DMBT1: variants seen among roughly 807,000 people sequenced by gnomAD.
The protein encoded by DMBT1 is scavenger receptor cysteine-rich domain-containing protein DMBT1.
In DMBT1, 198 loss-of-function variants were observed where a neutral mutation model predicts 252.9. The observed-to-expected ratio is 0.78, with a 90% CI of 0.70 to 0.88. The LOEUF (loss-of-function observed/expected upper bound fraction) is 0.88, where lower values mean the gene tolerates loss of function less well. Ranked by LOEUF, DMBT1 falls within the 40% of genes least tolerant of loss-of-function variation. DMBT1 has a pLI of 0.00. For missense variants in DMBT1, 2,432 were observed against 2,404.7 expected (o/e 1.01, Z -0.24); for synonymous variants, 990 against 942.7 (o/e 1.05, Z -0.92).
At chr10:122,592,640 G>A (rs773218843) in intron 20 of DMBT1, 45 bp downstream of exon 20, 2 of 1,585,352 alleles carry the variant, frequency 1.3e-6, no homozygotes, top group Non-Finnish European at 1.7e-6. Flanking sequence ...ACTGGAGTTT[G>A]CTCAGGAAGA....
Position 122,637,227 on chromosome 10 carries a change from A to T in DMBT1, c.6857A>T (p.Asn2286Ile), listed in dbSNP as rs771403045. 2.5e-6 allele frequency: 4 copies of T among 1,613,982 alleles called. No individual in the cohort carries two copies. The highest frequency in any genetic ancestry group is 3.4e-6 in the Non-Finnish European group (4 of 1,179,886). The change falls in exon 54 of 56, where the codon AAT becomes ATT. Residue 2286 changes from asparagine to isoleucine, a missense_variant. Transcript: ENST00000338354. ...SASDLVISTW[N>I]GYYECRPQIT... is the part of the protein sequence containing the mutation. ...AGTGACCTTGTCATTTCCACCTGGAATGGATACTACGAGTGTCGGCCCCAG... is the reference window on the plus strand; with the variant it reads ...AGTGACCTTGTCATTTCCACCTGGATTGGATACTACGAGTGTCGGCCCCAG...
Position 122,640,049 on chromosome 10 carries a change from G to A in DMBT1, c.6952G>A (p.Asp2318Asn), listed in dbSNP as rs752474526. Reference sequence around the variant, plus strand: ...TGCCTGCCTCTCCTAGGCAGACAATGACACCATCGACTATTCCAACTTCCT... The same window carrying A: ...TGCCTGCCTCTCCTAGGCAGACAATAACACCATCGACTATTCCAACTTCCT... Reference protein sequence around the residue: ...GCGTFKQADNDTIDYSNFLTA... With the variant: ...GCGTFKQADNNTIDYSNFLTA... Residue 2318 changes from aspartate (D) to asparagine (N), a missense_variant, in exon 55 of 56, where the codon GAC becomes AAC. Coordinates refer to ENST00000338354, the MANE Select transcript of DMBT1 (RefSeq NM_001377530.1). The A allele has an allele frequency of 6.8e-6, 11 of 1,613,494 alleles. No individual in the cohort carries two copies. The highest frequency in any genetic ancestry group is 1.7e-5 in the Admixed American group (1 of 60,002).
chr10:122,633,002 T>C (rs1365320660), intron 51 of DMBT1, 112 bp downstream of exon 51: 2 of 1,553,334 alleles, frequency 1.3e-6, no homozygotes, highest in African/African-American at 2.7e-5. Context: ...CAAAGTGGTC[T>C]CCCTGCAAGA....
Position 122,631,838 on chromosome 10 carries a change from T to C in DMBT1, c.6347-17T>C, listed in dbSNP as rs1219253386. 6.2e-7 allele frequency: 1 copy of C among 1,613,732 alleles called. No individual in the cohort carries two copies. Among genetic ancestry groups the C allele is most frequent in the Non-Finnish European group, 8.5e-7 (1 of 1,179,822 alleles). On this transcript the variant is annotated splice_polypyrimidine_tract_variant and intron_variant, in intron 49 of 55. Coordinates refer to ENST00000338354, the MANE Select transcript of DMBT1 (RefSeq NM_001377530.1). ...CACATGTCTGTGACCTATGCTTTTT[T>C]TCTATTCCTTTTTCAGGAAACCATC...
intron 21 of DMBT1, 66 bp downstream of exon 21, chr10:122,593,664 C>G (rs1246622678): frequency 7.5e-6 from 11 of 1,458,598 alleles, no homozygotes; most frequent in Non-Finnish European, 1.0e-5. Context: ...CTTCCACACT[C>G]CACAGAGCTC....
intron 52 of DMBT1, among the ~76,000 whole-genome samples, chr10:122,634,324 A>G (rs1194636591): frequency 6.7e-6 from 1 of 148,322 alleles, no homozygotes; most frequent in Non-Finnish European, 1.5e-5. Context: ...AGCAGAGAGG[A>G]CATTACTAAA....
intron 4 of DMBT1, 137 bp downstream of exon 4, chr10:122,571,074 CT>C (rs2097658754): frequency 9.2e-7 from 1 of 1,091,068 alleles, no homozygotes; most frequent in Non-Finnish European, 1.4e-6. Flanking sequence ...TGGATATCAC[CT>C]TGCTCTGTGT....
rs1005117438 is a variant in DMBT1, at chr10:122,577,793, G to C, written c.608-18G>C. On this transcript the variant is annotated intron_variant, in intron 7 of 55. Transcript: ENST00000338354. ...CACTGAGTGTTTGGTGTCTAATGTTGCTATTTTTTTCTCACAGCTGCCCAG... is the reference window on the plus strand; with the variant it reads ...CACTGAGTGTTTGGTGTCTAATGTTCCTATTTTTTTCTCACAGCTGCCCAG... The C allele has an allele frequency of 6.2e-7, 1 of 1,613,426 alleles. No individual in the cohort carries two copies. Among genetic ancestry groups the C allele is most frequent in the African/African-American group, 1.3e-5 (1 of 74,906 alleles).
At chr10:122,579,144 C>A (rs2097741417) in intron 9 of DMBT1, among the ~76,000 whole-genome samples, 1 of 151,986 alleles carries the variant, frequency 6.6e-6, no homozygotes, top group Admixed American at 6.6e-5. Flanking sequence ...CAGAAAAGAT[C>A]CTTATCTATG....
At chr10:122,598,540 T>C (rs527848432) in intron 25 of DMBT1, among the ~76,000 whole-genome samples, 11 of 152,252 alleles carry the variant, frequency 7.2e-5, no homozygotes, top group Admixed American at 2.0e-4. Context: ...CCTGTTAACT[T>C]CAGTAGGGTC....
chr10:122,565,833 G>A, intron 1 of DMBT1, 134 bp from the exon 2 acceptor site: 1 of 785,096 alleles, frequency 1.3e-6, no homozygotes, highest in Non-Finnish European at 2.2e-6. Flanking sequence ...CAAGAACGTC[G>A]GGGACACACA....
At chr10:122,636,227 TG>T in intron 53 of DMBT1, 28 bp downstream of exon 53, 4 of 1,583,032 alleles carry the variant, frequency 2.5e-6, no homozygotes. Context: ...AATGCTCTGT[TG>T]GGACTGGGGA....
intron 24 of DMBT1, among the ~76,000 whole-genome samples, 173 bp downstream of exon 24, chr10:122,597,227 C>G (rs2097890497): frequency 6.6e-6 from 1 of 151,614 alleles, no homozygotes; most frequent in African/African-American, 2.4e-5. Flanking sequence ...ACATAGGGTT[C>G]AAGAGGCTTC....
At chr10:122,579,976 A>T in intron 10 of DMBT1, 75 bp downstream of exon 10, 2 of 1,605,322 alleles carry the variant, frequency 1.2e-6, no homozygotes, top group Non-Finnish European at 1.7e-6. Flanking sequence ...TTACATTCTG[A>T]TCTCCTCACT....
chr10:122,589,206 C>A lies in DMBT1; in HGVS notation c.2046C>A (p.Pro682=), dbSNP rs770018066. Residue 682 remains proline (P), a synonymous_variant, in exon 17 of 56, where the codon CCC becomes CCA. Coordinates refer to ENST00000338354, the MANE Select transcript of DMBT1 (RefSeq NM_001377530.1). Reference sequence around the variant, plus strand: ...ATGAGTCCTACCTGTGGAGCTGCCCCAACAATGGCTGGCTCTCCCACAACT... The same window carrying A: ...ATGAGTCCTACCTGTGGAGCTGCCCAAACAATGGCTGGCTCTCCCACAACT... ...SGHESYLWSC[P]NNGWLSHNCG... 14 of 1,588,300 alleles carry A rather than the reference C, an allele frequency of 8.8e-6. No homozygotes were observed. In the African/African-American group the frequency reaches 1.9e-4, roughly 21 times the overall value.
At position 122,576,375 on chromosome 10, in the gene DMBT1, G is replaced by A. The variant is rs761560560; in HGVS notation, c.284-24G>A. On this transcript the variant is annotated intron_variant, in intron 6 of 55. Coordinates refer to ENST00000338354, the MANE Select transcript of DMBT1 (RefSeq NM_001377530.1). The stretch of plus-strand genomic sequence containing the variant: ...CTTGTGCCTCAGTAGGAATGTGCAA[G>A]AGAAATTCTGTGCCTTCCTCTAGGA... 4 of 1,610,966 alleles carry A rather than the reference G, an allele frequency of 2.5e-6. No homozygotes were observed. In the African/African-American group the frequency reaches 5.3e-5, roughly 22 times the overall value.
intron 17 of DMBT1, among the ~76,000 whole-genome samples, chr10:122,590,243 G>A (rs2097838488): frequency 6.7e-6 from 1 of 149,122 alleles, no homozygotes; most frequent in Non-Finnish European, 1.5e-5. Flanking sequence ...GCAGCATCTT[G>A]CCTGTACACC....
chr10:122,625,087 C>T (rs1009345836), intron 44 of DMBT1, among the ~76,000 whole-genome samples, 190 bp from the exon 45 acceptor site: 3 of 152,204 alleles, frequency 2.0e-5, no homozygotes, highest in African/African-American at 7.2e-5. Flanking sequence ...TACTTTCAGG[C>T]TGTAAGAATG....
intron 2 of DMBT1, among the ~76,000 whole-genome samples, chr10:122,566,305 TTTTTTTCTTTTTC>T (rs1435317611): frequency 8.5e-6 from 1 of 117,068 alleles, no homozygotes; most frequent in African/African-American, 3.0e-5. Context: ...ACCTTTTCTT[TTTTTTTCTTTTTC>T]TTTTTTCTTT....
Sources: allele counts gnomAD v4.1 joint callset (sites outside exome capture counted in the v4.1 genomes callset), GRCh38; gene constraint gnomAD v4.1.1; transcripts MANE v1.5; gene names NCBI Gene and HGNC (gene_info 2026-07-23, HGNC 2026-07-21).